The following AIG1 variants were observed in gnomAD, a reference collection of about 807,000 sequenced individuals.
AIG1 encodes the protein androgen-induced gene 1 protein.
A neutral mutation model predicts 31.4 loss-of-function variants in AIG1; 23 were observed. That is an observed-to-expected ratio of 0.73 (90% CI 0.53 to 1.04). AIG1 has a LOEUF of 1.04. Among genes scored for constraint, AIG1 ranks in the 50% least tolerant of loss-of-function variants. The pLI, the probability that AIG1 is intolerant of heterozygous loss-of-function variation, is 0.00. For missense variants in AIG1, 274 were observed against 295.0 expected (o/e 0.93, Z 0.52); for synonymous variants, 100 against 110.5 (o/e 0.90, Z 0.60).
chr6:143,140,588 A>G (rs1006702611), intron 2 of AIG1, among the ~76,000 whole-genome samples: 1 of 152,182 alleles, frequency 6.6e-6, no homozygotes, highest in Admixed American at 6.5e-5. Context: ...ACAAGGAATC[A>G]CATGAAGAAG....
chr6:143,319,334 A>T (rs1350607396), intron 4 of AIG1, among the ~76,000 whole-genome samples: 1 of 152,228 alleles, frequency 6.6e-6, no homozygotes, highest in Non-Finnish European at 1.5e-5. Context: ...AGCAACTTGG[A>T]TGGAATGGTA....
At position 143,296,481 on chromosome 6, in the gene AIG1, T is replaced by A. The variant is rs530093565; in HGVS notation, c.515+12256T>A. Among the ~76,000 whole-genome samples the A allele has an allele frequency of 2.0e-5, 3 of 152,326 alleles. No homozygotes were observed. In the South Asian group the frequency reaches 6.2e-4, roughly 32 times the overall value. On this transcript the variant is annotated intron_variant, in intron 4 of 5. Transcript: ENST00000357847. ...TGGGCTGCATGGGAGGGTACATGTA[T>A]GTGAGCATCTTCACAGGGACCCCTA...
At chr6:143,244,655 AAC>A (rs1794482326) in intron 3 of AIG1, among the ~76,000 whole-genome samples, 1 of 152,210 alleles carries the variant, frequency 6.6e-6, no homozygotes, top group Non-Finnish European at 1.5e-5. Flanking sequence ...TCATAAACAA[AAC>A]ACTGTGAGCA....
chr6:143,308,575 A>G (rs1164214664), intron 4 of AIG1, among the ~76,000 whole-genome samples: 2 of 152,180 alleles, frequency 1.3e-5, no homozygotes, highest in African/African-American at 4.8e-5. Context: ...GGGCTTTGTT[A>G]TGCTGTCTGG....
intron 3 of AIG1, among the ~76,000 whole-genome samples, chr6:143,260,580 C>T (rs903055166): frequency 1.3e-5 from 2 of 152,206 alleles, no homozygotes; most frequent in Admixed American, 6.5e-5. Context: ...AAGACCATAG[C>T]TCAAGCAATA....
rs569579006 is a variant in AIG1, at chr6:143,179,416, A to T, written c.399+14233A>T. 2.0e-5 allele frequency among the ~76,000 whole-genome samples: 3 copies of T among 152,332 alleles called. No homozygotes were observed. The East Asian group carries it at 5.8e-4, about 29-fold the overall frequency. ...TTCTAGGAATCTACAGCCCAGGACC[A>T]CAGAACTGAGATATAGTTAAGTGTA... On this transcript the variant is annotated intron_variant, in intron 3 of 5. Coordinates refer to ENST00000357847, the MANE Select transcript of AIG1 (RefSeq NM_016108.4).
At chr6:143,237,653 T>C (rs557521065) in intron 3 of AIG1, among the ~76,000 whole-genome samples, 4 of 152,344 alleles carry the variant, frequency 2.6e-5, no homozygotes, top group South Asian at 2.1e-4. Flanking sequence ...CCACCAACTT[T>C]GGAAAAACAA....
chr6:143,149,700 G>T (rs541875509), intron 2 of AIG1, among the ~76,000 whole-genome samples: 1 of 152,176 alleles, frequency 6.6e-6, no homozygotes, highest in South Asian at 2.1e-4. Flanking sequence ...AGAGCCAATG[G>T]TTTTATACAG....
At chr6:143,167,535 T>A in intron 3 of AIG1, among the ~76,000 whole-genome samples, 1 of 152,342 alleles carries the variant, frequency 6.6e-6, no homozygotes, top group East Asian at 1.9e-4. Context: ...ATTACCTTCA[T>A]GCCAGAGAAT....
At chr6:143,224,108 C>T (rs1792749032) in intron 3 of AIG1, among the ~76,000 whole-genome samples, 1 of 152,102 alleles carries the variant, frequency 6.6e-6, no homozygotes, top group Non-Finnish European at 1.5e-5. Context: ...TCATCCGGTC[C>T]CAGGGTTTCA....
At chr6:143,290,992 T>C (rs916538986) in intron 4 of AIG1, among the ~76,000 whole-genome samples, 8 of 152,042 alleles carry the variant, frequency 5.3e-5, no homozygotes, top group African/African-American at 1.9e-4. Context: ...GTTTTGGATC[T>C]AGGGGAGCTG....
rs1204771823 is a variant in AIG1 at position 143,331,788 on chromosome 6, T to A, written c.516-1494T>A. Among the ~76,000 whole-genome samples the A allele has an allele frequency of 6.6e-6, 1 of 151,386 alleles. No homozygotes were observed. Among genetic ancestry groups the A allele is most frequent in the East Asian group, 1.9e-4 (1 of 5,172 alleles). On this transcript the variant is annotated intron_variant, in intron 4 of 5. Coordinates refer to ENST00000357847, the MANE Select transcript of AIG1 (RefSeq NM_016108.4). This position sits in a 1 kb window ranked among gnomAD's most constrained non-coding sequence, Gnocchi z 4.1. ...ATCTCACCCTCATTGATAACGCAGG[T>A]TCTCAGGTATAGATCCCCAGGTTTC...
chr6:143,295,973 A>G (rs1205471181), intron 4 of AIG1, among the ~76,000 whole-genome samples: 2 of 152,168 alleles, frequency 1.3e-5, no homozygotes, highest in Non-Finnish European at 2.9e-5. Context: ...CACAGAAAAT[A>G]TTTCTAAGAT....
chr6:143,190,450 G>A, intron 3 of AIG1: 1 of 985,440 alleles, frequency 1.0e-6, no homozygotes, highest in African/African-American at 1.7e-5. Flanking sequence ...GATGAGAGAA[G>A]TAGGGAGCTT....
rs562332520 is a variant in AIG1 at position 143,259,181 on chromosome 6, T to C, written c.400-24929T>C. 7.2e-5 allele frequency among the ~76,000 whole-genome samples: 11 copies of C among 152,326 alleles called. No individual in the cohort carries two copies. The South Asian group carries it at 2.1e-3, about 29-fold the overall frequency. On this transcript the variant is annotated intron_variant, in intron 3 of 5. Transcript: ENST00000357847. ...GATGCAGCTACCCAATTTTGGACTT[T>C]CCAGCCACCAGAATTGTGAGCCAAA...
intron 3 of AIG1, among the ~76,000 whole-genome samples, chr6:143,250,593 C>T (rs1310742628): frequency 6.6e-6 from 1 of 152,020 alleles, no homozygotes; most frequent in East Asian, 1.9e-4. Flanking sequence ...CACAGGTGTC[C>T]TTGTATAAGA....
chr6:143,065,045 T>C (rs1474306931), intron 1 of AIG1, among the ~76,000 whole-genome samples: 1 of 152,188 alleles, frequency 6.6e-6, no homozygotes, highest in Non-Finnish European at 1.5e-5. Flanking sequence ...ATAAGACTTA[T>C]TGTCCAGAAG....
At position 143,299,785 on chromosome 6, in the gene AIG1, A is replaced by G. The variant is rs1798700643; in HGVS notation, c.515+15560A>G. Among the ~76,000 whole-genome samples, 1 of 152,128 alleles carries G rather than the reference A, an allele frequency of 6.6e-6. No homozygotes were observed. Among genetic ancestry groups the G allele is most frequent in the South Asian group, 2.1e-4 (1 of 4,832 alleles). On this transcript the variant is annotated intron_variant, in intron 4 of 5. Transcript: ENST00000357847. The surrounding 1 kb of genome is among the most constrained non-coding windows in gnomAD (Gnocchi z 4.1). ...GTAGTTCCACGAACTCACCTCTGGG[A>G]TTTGCAGTGTTCTTCTCTTTGCCTA...
intron 4 of AIG1, among the ~76,000 whole-genome samples, chr6:143,294,142 A>G (rs1158322139): frequency 1.3e-5 from 2 of 151,430 alleles, no homozygotes; most frequent in Non-Finnish European, 2.9e-5. Flanking sequence ...ATACCCTTCT[A>G]CCTCTCCTGG....
Sources: allele counts gnomAD v4.1 joint callset (sites outside exome capture counted in the v4.1 genomes callset), GRCh38; gene constraint gnomAD v4.1.1; non-coding constraint Gnocchi (gnomAD v3.1); transcripts MANE v1.5; gene names NCBI Gene and HGNC (gene_info 2026-07-23, HGNC 2026-07-21).